Variants in CNOT9 observed in about 807,000 individuals in gnomAD.
CNOT9 encodes CCR4-NOT transcription complex subunit 9.
In CNOT9, 8 loss-of-function variants were observed where a neutral mutation model predicts 37.4. The ratio of observed to expected loss-of-function variants is 0.21; its 90% CI spans 0.13 to 0.39. The LOEUF (loss-of-function observed/expected upper bound fraction) is 0.39. Ranked by LOEUF, CNOT9 falls within the 10% of genes least tolerant of loss-of-function variation. The pLI, the probability that CNOT9 is intolerant of heterozygous loss-of-function variation, is 1.00. For synonymous variants in CNOT9, 120 were observed against 137.6 expected (o/e 0.87, Z 0.90); for missense variants, 154 against 365.3 (o/e 0.42, Z 4.71).
Position 218,592,771 on chromosome 2 carries a change from A to G in CNOT9, c.731+64A>G, listed in dbSNP as rs979804685. 3.0e-5 allele frequency: 38 copies of G among 1,262,694 alleles called. No homozygotes were observed. In the African/African-American group the frequency reaches 5.4e-4, roughly 18 times the overall value. 78.2% of individuals were successfully genotyped at this position (1,262,694 alleles called of 1,614,324 possible). A position where few individuals can be genotyped will look rare whatever the true frequency, so the allele number is the denominator to read the frequency against. The stretch of plus-strand genomic sequence containing the variant: ...CTCTGCTGAACAGTTTCCTAATCTC[A>G]TGGCATAGCTCCTGTGTCTTTAGGA... On this transcript the variant is annotated intron_variant, in intron 7 of 7. Coordinates refer to ENST00000273064, the MANE Select transcript of CNOT9 (RefSeq NM_005444.3). The surrounding 1 kb of genome is among the most constrained non-coding windows in gnomAD (Gnocchi z 4.1).
chr2:218,569,227 C>T (rs1217869417), intron 1 of CNOT9, among the ~76,000 whole-genome samples: 1 of 152,178 alleles, frequency 6.6e-6, no homozygotes, highest in Non-Finnish European at 1.5e-5. Context: ...CCTGGTCCCA[C>T]GCCCGTAGCA....
intron 1 of CNOT9, chr2:218,574,117 A>G (rs1360564805): frequency 5.9e-6 from 2 of 341,224 alleles, no homozygotes; most frequent in Admixed American, 7.5e-5. Context: ...TTACAGGCAA[A>G]CGACACCACA....
chr2:218,593,891 A>C (rs1318809740), intron 7 of CNOT9: 1 of 1,048,890 alleles, frequency 9.5e-7, no homozygotes, highest in African/African-American at 1.6e-5. Context: ...ATGAAATTCT[A>C]CATTGGGGCA....
chr2:218,573,276 C>T (rs1287703266), intron 1 of CNOT9, among the ~76,000 whole-genome samples: 1 of 149,548 alleles, frequency 6.7e-6, no homozygotes, highest in Non-Finnish European at 1.5e-5. Context: ...TGAGATTGTG[C>T]CATTGCACTC....
intron 4 of CNOT9, 190 bp from the exon 5 acceptor site, chr2:218,587,396 T>C (rs1262377565): frequency 8.6e-7 from 1 of 1,164,256 alleles, no homozygotes; most frequent in East Asian, 4.2e-5. Flanking sequence ...GTGCTGGGAT[T>C]ACAGGTGTGA....
chr2:218,572,991 T>A (rs775368438), intron 1 of CNOT9, among the ~76,000 whole-genome samples: 6 of 152,214 alleles, frequency 3.9e-5, no homozygotes, highest in Non-Finnish European at 7.3e-5. Context: ...TTATCTTTCC[T>A]TATTCACTTT....
rs77659528 is a variant in CNOT9 at position 218,581,034 on chromosome 2, G to A, written c.204+294G>A. On this transcript the variant is annotated intron_variant, in intron 2 of 7. Coordinates refer to ENST00000273064, the MANE Select transcript of CNOT9 (RefSeq NM_005444.3). ...AGTGATCTAAGAACTACGCTTTGAC[G>A]AACACCGCTTTAGGAGTACTGTAAG... The A allele has an allele frequency of 7.4e-4, 394 of 529,016 alleles. 6 individuals are homozygous for A. The East Asian group carries it at 0.013, about 18-fold the overall frequency. 32.8% of individuals were successfully genotyped at this position (529,016 alleles called of 1,614,324 possible).
intron 5 of CNOT9, among the ~76,000 whole-genome samples, chr2:218,591,482 G>A (rs187185898): frequency 2.0e-4 from 31 of 152,214 alleles, no homozygotes; most frequent in African/African-American, 6.7e-4. Context: ...AGTGGCTCAC[G>A]CTTGTAATCC....
At chr2:218,581,994 A>C (rs1694402028) in intron 2 of CNOT9, among the ~76,000 whole-genome samples, 1 of 152,112 alleles carries the variant, frequency 6.6e-6, no homozygotes, top group African/African-American at 2.4e-5. Flanking sequence ...AAGTAGGAGG[A>C]TCAATTGAGC....
intron 4 of CNOT9, among the ~76,000 whole-genome samples, chr2:218,585,084 C>T (rs577263617): frequency 4.3e-4 from 66 of 151,806 alleles, no homozygotes; most frequent in Non-Finnish European, 7.5e-4. Flanking sequence ...CTTCTCTTCT[C>T]TTCTTTTCTT....
At chr2:218,593,935 G>T in intron 7 of CNOT9, 173 bp from the exon 8 acceptor site, 1 of 937,690 alleles carries the variant, frequency 1.1e-6, no homozygotes, top group East Asian at 2.7e-5. Context: ...ACAGATTTTG[G>T]AGATCTCTAA....
chr2:218,580,585 G>C lies in CNOT9; in HGVS notation c.49G>C (p.Val17Leu), dbSNP rs771337558. ...GCCTGTGCCTACTACACTGGCACAA[G>C]TGGATAGAGAAAAGATCTATCAGTG... ...AAPVPTTLAQ[V>L]DREKIYQWIN... Residue 17 changes from valine (V) to leucine (L), a missense_variant, in exon 2 of 8, where the codon GTG (valine) becomes CTG (leucine). This residue lies in a region of CNOT9 where 37 missense variants were observed against 39.9 expected (regional missense o/e 0.93). Coordinates refer to ENST00000273064, the MANE Select transcript of CNOT9 (RefSeq NM_005444.3). 7 of 1,613,568 alleles carry C rather than the reference G, an allele frequency of 4.3e-6. No individual in the cohort carries two copies. The highest frequency in any genetic ancestry group is 2.5e-6 in the Non-Finnish European group (3 of 1,179,686).
chr2:218,570,941 C>G (rs2106075940), intron 1 of CNOT9, among the ~76,000 whole-genome samples: 1 of 152,320 alleles, frequency 6.6e-6, no homozygotes, highest in South Asian at 2.1e-4. Context: ...TCGTACCACT[C>G]ATTCACTAGG....
At chr2:218,579,306 A>G (rs893410726) in intron 1 of CNOT9, among the ~76,000 whole-genome samples, 2 of 152,228 alleles carry the variant, frequency 1.3e-5, no homozygotes, top group South Asian at 2.1e-4. Context: ...TTTTATTTTT[A>G]TATGTGTGTA....
At position 218,592,727 on chromosome 2, in the gene CNOT9, A is replaced by G; in HGVS notation, c.731+20A>G. 5.0e-6 allele frequency: 8 copies of G among 1,589,642 alleles called. No homozygotes were observed. Among genetic ancestry groups the G allele is most frequent in the Non-Finnish European group, 6.0e-6 (7 of 1,157,588 alleles). ...CCCCAGGTAAACATTTATAGGATGT[A>G]TAGGACTTTAGGGAAATACTCTGCT... On this transcript the variant is annotated intron_variant, in intron 7 of 7. Transcript: ENST00000273064. This position sits in a 1 kb window ranked among gnomAD's most constrained non-coding sequence, Gnocchi z 4.1.
Position 218,595,029 on chromosome 2 carries a change from C to T in CNOT9, c.*753C>T, listed in dbSNP as rs1004406603. 1 of 152,212 alleles carries T rather than the reference C, an allele frequency of 6.6e-6. No individual in the cohort carries two copies. Among genetic ancestry groups the T allele is most frequent in the African/African-American group, 2.4e-5 (1 of 41,454 alleles). 9.4% of individuals were successfully genotyped at this position (152,212 alleles called of 1,614,324 possible). A position where few individuals can be genotyped will look rare whatever the true frequency, so the allele number is the denominator to read the frequency against. Reference sequence around the variant, plus strand: ...ATTCTACTCCCAGTCCGGAATGCCACGAGGACCTTAACCTTGTTTCTGGCT... The same window carrying T: ...ATTCTACTCCCAGTCCGGAATGCCATGAGGACCTTAACCTTGTTTCTGGCT... On this transcript the variant is annotated 3_prime_UTR_variant, in exon 8 of 8. Coordinates refer to ENST00000273064, the MANE Select transcript of CNOT9 (RefSeq NM_005444.3).
intron 1 of CNOT9, among the ~76,000 whole-genome samples, chr2:218,577,254 G>A (rs542867923): frequency 2.9e-4 from 44 of 152,246 alleles, no homozygotes; most frequent in African/African-American, 1.0e-3. Context: ...TCCCATGACA[G>A]GTGGGTATTC....
chr2:218,582,872 A>G (rs760215688), intron 2 of CNOT9, 99 bp from the exon 3 acceptor site: 1 of 682,248 alleles, frequency 1.5e-6, no homozygotes, highest in Non-Finnish European at 2.6e-6. Flanking sequence ...CACAGAATTA[A>G]GAGCTATTTT....
chr2:218,578,056 G>C lies in CNOT9; in HGVS notation c.25-2505G>C, dbSNP rs73077140. 2.5e-3 allele frequency among the ~76,000 whole-genome samples: 375 copies of C among 152,362 alleles called. 2 individuals are homozygous for C. The highest frequency in any genetic ancestry group is 8.6e-3 in the African/African-American group (357 of 41,588). On this transcript the variant is annotated intron_variant, in intron 1 of 7. Coordinates refer to ENST00000273064, the MANE Select transcript of CNOT9 (RefSeq NM_005444.3). ...TAGTTTTTAAGTTGAGGGCCTGTTT[G>C]TGGCTGCCTAGAAAGGGCAAGTGCC... is the stretch of plus-strand genomic sequence containing the variant.
Sources: gnomAD v4.1 joint callset for allele counts (sites outside exome capture counted in the v4.1 genomes callset) on GRCh38, gnomAD v4.1.1 for gene constraint, gnomAD v4.1.1 regional missense constraint, Gnocchi (gnomAD v3.1) non-coding constraint, MANE v1.5 for transcripts, NCBI Gene and HGNC (gene_info 2026-07-23, HGNC 2026-07-21) for gene names.